Variants in C1orf21 observed in about 807,000 individuals in gnomAD.
C1orf21 encodes uncharacterized protein C1orf21.
In C1orf21, 3 loss-of-function variants were observed where a neutral mutation model predicts 18.7. The ratio of observed to expected loss-of-function variants is 0.16; its 90% CI spans 0.07 to 0.42. The LOEUF is 0.42. C1orf21 is among the 10% of genes least tolerant of loss of function. The probability of loss-of-function intolerance (pLI) is 0.99; values close to 1 mark genes in which losing one functional copy is unlikely to be tolerated. For missense variants in C1orf21, 104 were observed against 143.6 expected (o/e 0.72, Z 1.41); for synonymous variants, 41 against 46.4 (o/e 0.88, Z 0.47).
In C1orf21 at chr1:184,622,536, A is replaced by G. The variant is rs1465238394; in HGVS notation, c.*2980A>G. Reference sequence around the variant, plus strand: ...GTGTTTGTTATTGGCAGAGAACCTTAAAAAAGGCCTTTACCTCAGCGATGC... The same window carrying G: ...GTGTTTGTTATTGGCAGAGAACCTTGAAAAAGGCCTTTACCTCAGCGATGC... On this transcript the variant is annotated 3_prime_UTR_variant, in exon 6 of 6. Coordinates refer to ENST00000235307, the MANE Select transcript of C1orf21 (RefSeq NM_030806.4). 1 of 152,712 alleles carries G rather than the reference A, an allele frequency of 6.5e-6. No individual in the cohort carries two copies. Among genetic ancestry groups the G allele is most frequent in the Non-Finnish European group, 1.5e-5 (1 of 68,100 alleles). 9.5% of individuals were successfully genotyped at this position (152,712 alleles called of 1,614,324 possible).
chr1:184,547,179 C>G (rs534010813), intron 3 of C1orf21, among the ~76,000 whole-genome samples: 56 of 152,182 alleles, frequency 3.7e-4, no homozygotes, highest in Admixed American at 1.4e-3. Flanking sequence ...GATACAAAGC[C>G]GGAGCAGCCA....
chr1:184,497,759 A>G (rs1218090858), intron 2 of C1orf21, among the ~76,000 whole-genome samples: 1 of 152,194 alleles, frequency 6.6e-6, no homozygotes, highest in East Asian at 1.9e-4. Flanking sequence ...TAAAAGTTGT[A>G]TAACCCAGAT....
At chr1:184,432,598 C>G (rs1245058489) in intron 1 of C1orf21, among the ~76,000 whole-genome samples, 1 of 151,784 alleles carries the variant, frequency 6.6e-6, no homozygotes. Flanking sequence ...AGCAAACCAC[C>G]GTGGCACATG....
At chr1:184,491,420 G>T (rs1221203730) in intron 2 of C1orf21, among the ~76,000 whole-genome samples, 1 of 151,430 alleles carries the variant, frequency 6.6e-6, no homozygotes, top group Non-Finnish European at 1.5e-5. Context: ...CACGATCCCA[G>T]CTCATTGCAG....
At position 184,627,086 on chromosome 1, in the gene C1orf21, A is replaced by C. The variant is rs1373925311; in HGVS notation, c.*7530A>C. 6.6e-6 allele frequency: 1 copy of C among 152,614 alleles called. No individual in the cohort carries two copies. The highest frequency in any genetic ancestry group is 1.9e-4 in the East Asian group (1 of 5,186). The allele number at this position is 152,614 out of a possible 1,614,324, so 9.5% of individuals were successfully genotyped here. ...AAGAAAGGAGATTTTTAAAAAGCAC[A>C]GACAAATTGTATGCAAGTGGAAAAT... On this transcript the variant is annotated 3_prime_UTR_variant, in exon 6 of 6. Coordinates refer to ENST00000235307, the MANE Select transcript of C1orf21 (RefSeq NM_030806.4).
At chr1:184,523,620 A>T (rs1658336487) in intron 3 of C1orf21, among the ~76,000 whole-genome samples, 1 of 152,206 alleles carries the variant, frequency 6.6e-6, no homozygotes, top group Non-Finnish European at 1.5e-5. Context: ...TACTTGATTA[A>T]TTGTGACAAG....
At chr1:184,547,780 T>C (rs1171602765) in intron 3 of C1orf21, among the ~76,000 whole-genome samples, 1 of 152,240 alleles carries the variant, frequency 6.6e-6, no homozygotes, top group Non-Finnish European at 1.5e-5. Context: ...ATCAAAATAC[T>C]GGAGTATGCT....
chr1:184,499,212 T>C (rs1157597833), intron 2 of C1orf21, among the ~76,000 whole-genome samples: 3 of 152,176 alleles, frequency 2.0e-5, no homozygotes, highest in African/African-American at 7.2e-5. Flanking sequence ...ATATCCTTGA[T>C]TTTATTGCTT....
At chr1:184,451,239 T>C (rs1023126126) in intron 1 of C1orf21, among the ~76,000 whole-genome samples, 4 of 152,144 alleles carry the variant, frequency 2.6e-5, no homozygotes, top group African/African-American at 9.7e-5. Context: ...AATTGCCATG[T>C]CTGTTCTTTT....
chr1:184,438,402 A>G (rs976998384), intron 1 of C1orf21, among the ~76,000 whole-genome samples: 9 of 152,140 alleles, frequency 5.9e-5, no homozygotes, highest in East Asian at 1.9e-4. Context: ...TTCTATGGCA[A>G]TGTTTTGTCT....
In C1orf21 at chr1:184,625,554, GCATA is replaced by G. The variant is rs1386751031; in HGVS notation, c.*6007_*6010del. On this transcript the variant is annotated 3_prime_UTR_variant, in exon 6 of 6. Transcript: ENST00000235307. Reference sequence around the variant, plus strand: ...TCTTAACACACATACACATACACGCGCATACATACATATACAGAGAGATACGTGG... The same window carrying G: ...TCTTAACACACATACACATACACGCGCATACATATACAGAGAGATACGTGG... 4.6e-5 allele frequency: 7 copies of G among 152,476 alleles called. No individual in the cohort carries two copies. Among genetic ancestry groups the G allele is most frequent in the Non-Finnish European group, 8.8e-5 (6 of 67,996 alleles). The allele number at this position is 152,476 out of a possible 1,614,324, so 9.4% of individuals were successfully genotyped here. A position where few individuals can be genotyped will look rare whatever the true frequency, so the allele number is the denominator to read the frequency against.
rs576206704 is a variant in C1orf21 at position 184,566,203 on chromosome 1, G to A, written c.190-24536G>A. Among the ~76,000 whole-genome samples, 16 of 152,224 alleles carry A rather than the reference G, an allele frequency of 1.1e-4. No individual in the cohort carries two copies. In the East Asian group the frequency reaches 2.3e-3, roughly 22 times the overall value. On this transcript the variant is annotated intron_variant, in intron 3 of 5. Coordinates refer to ENST00000235307, the MANE Select transcript of C1orf21 (RefSeq NM_030806.4). ...ACTGGGAGGAGCCCCACGTTCTGCC[G>A]TACCTGCCCCCAGGTTGGCTGCATG...
chr1:184,446,830 T>C (rs949927411), intron 1 of C1orf21, among the ~76,000 whole-genome samples: 1 of 150,626 alleles, frequency 6.6e-6, no homozygotes, highest in Non-Finnish European at 1.5e-5. Context: ...ATAGTGGTAG[T>C]ATGGTTATGA....
At position 184,392,969 on chromosome 1, in the gene C1orf21, C is replaced by CA. The variant is rs141202730; in HGVS notation, c.-125+5602dup. 7.6e-3 allele frequency among the ~76,000 whole-genome samples: 1,156 copies of CA among 152,018 alleles called. 14 individuals carry two copies. The highest frequency in any genetic ancestry group is 0.027 in the African/African-American group (1,116 of 41,438). ...TCAGACTCTTGAGTAGCTGGAGCCA[C>CA]AGGTGCACACCATACACCTGGAGAG... On this transcript the variant is annotated intron_variant, in intron 1 of 5. Transcript: ENST00000235307.
intron 1 of C1orf21, among the ~76,000 whole-genome samples, chr1:184,395,496 A>G (rs1172393626): frequency 1.3e-5 from 2 of 152,088 alleles, no homozygotes; most frequent in Non-Finnish European, 2.9e-5. Context: ...TTTGTTAATG[A>G]AGTTTTGTGT....
At chr1:184,430,037 G>A (rs919747253) in intron 1 of C1orf21, among the ~76,000 whole-genome samples, 7 of 151,268 alleles carry the variant, frequency 4.6e-5, no homozygotes, top group African/African-American at 7.3e-5. Context: ...GCGTGAACCC[G>A]GGAGGTGGAG....
chr1:184,395,799 A>C (rs757456454), intron 1 of C1orf21, among the ~76,000 whole-genome samples: 15 of 152,170 alleles, frequency 9.9e-5, no homozygotes, highest in South Asian at 4.1e-4. Context: ...ACAATAAATG[A>C]TGACTCCCCA....
intron 2 of C1orf21, among the ~76,000 whole-genome samples, chr1:184,507,372 C>T (rs1420320871): frequency 1.3e-5 from 2 of 152,014 alleles, no homozygotes; most frequent in Non-Finnish European, 2.9e-5. Flanking sequence ...TAGAAGCATT[C>T]GTGATGCTGA....
At chr1:184,464,058 G>T (rs1340124145) in intron 1 of C1orf21, among the ~76,000 whole-genome samples, 1 of 152,240 alleles carries the variant, frequency 6.6e-6, no homozygotes, top group Non-Finnish European at 1.5e-5. Flanking sequence ...GACTAGACTG[G>T]CTGGAGCAAG....
Sources: gnomAD v4.1 joint callset for allele counts (sites outside exome capture counted in the v4.1 genomes callset) on GRCh38, gnomAD v4.1.1 for gene constraint, MANE v1.5 for transcripts, NCBI Gene and HGNC (gene_info 2026-07-23, HGNC 2026-07-21) for gene names.